TMEM98: variants seen among roughly 807,000 people sequenced by gnomAD.
TMEM98 encodes the protein transmembrane protein 98.
A neutral mutation model predicts 25.0 loss-of-function variants in TMEM98; 18 were observed. The ratio of observed to expected loss-of-function variants is 0.72; its 90% CI spans 0.50 to 1.07. The LOEUF (loss-of-function observed/expected upper bound fraction) is 1.07. TMEM98 is among the 50% of genes least tolerant of loss of function. The pLI, the probability that TMEM98 is intolerant of heterozygous loss-of-function variation, is 0.00. For missense variants in TMEM98, 241 were observed against 289.0 expected (o/e 0.83, Z 1.20); for synonymous variants, 103 against 112.4 (o/e 0.92, Z 0.53).
chr17:32,936,761 A>G (rs29009), intron 6 of TMEM98, among the ~76,000 whole-genome samples: 18,046 of 152,176 alleles, frequency 0.12, 1,257 homozygotes, highest in Middle Eastern at 0.23. Flanking sequence ...TTACCCAGCC[A>G]CATACCAGCT....
intron 5 of TMEM98, 66 bp downstream of exon 5, chr17:32,934,390 G>T: frequency 1.3e-6 from 2 of 1,578,724 alleles, no homozygotes; most frequent in East Asian, 2.2e-5. Flanking sequence ...CGTGGATGGA[G>T]TAGAACGGGA....
chr17:32,940,820 G>A lies in TMEM98; in HGVS notation c.508G>A (p.Val170Met). 1 of 1,614,102 alleles carries A rather than the reference G, an allele frequency of 6.2e-7. No homozygotes were observed. The highest frequency in any genetic ancestry group is 8.5e-7 in the Non-Finnish European group (1 of 1,180,012). Reference sequence around the variant, plus strand: ...CCTGCTCCTGTCTGTCAGTCACCTGGTGCTGGTGACAAGGAATGCCTGCCA... The same window carrying A: ...CCTGCTCCTGTCTGTCAGTCACCTGATGCTGGTGACAAGGAATGCCTGCCA... ...TALLLSVSHLVLVTRNACHLT... is the reference protein window; with the variant it reads ...TALLLSVSHLMLVTRNACHLT... The change falls in exon 8 of 8, where the codon GTG becomes ATG. Residue 170 changes from valine to methionine, a missense_variant. Physicochemically the swap from Val to Met is conservative, Grantham distance 21 (BLOSUM62 1). Coordinates refer to ENST00000579849, the MANE Select transcript of TMEM98 (RefSeq NM_015544.3).
At chr17:32,938,651 C>T (rs2091510651) in intron 6 of TMEM98, among the ~76,000 whole-genome samples, 1 of 152,060 alleles carries the variant, frequency 6.6e-6, no homozygotes, top group South Asian at 2.1e-4. Flanking sequence ...GTCTTACATA[C>T]CTTTAGCTTT....
intron 1 of TMEM98, among the ~76,000 whole-genome samples, chr17:32,930,446 A>G (rs2091461860): frequency 6.6e-6 from 1 of 152,234 alleles, no homozygotes; most frequent in African/African-American, 2.4e-5. Context: ...TACACAAATA[A>G]AAGAATTCTA....
In TMEM98 at chr17:32,942,853, C is replaced by G. The variant is rs1398778160; in HGVS notation, c.*1860C>G. The stretch of plus-strand genomic sequence containing the variant: ...AGTCATCCTATTTTTGTCTTTTTAC[C>G]TCCCTTTCAGAACCTGTTTTCGTAA... On this transcript the variant is annotated 3_prime_UTR_variant, in exon 8 of 8. Coordinates refer to ENST00000579849, the MANE Select transcript of TMEM98 (RefSeq NM_015544.3). 6.6e-6 allele frequency: 1 copy of G among 152,184 alleles called. No individual in the cohort carries two copies. The highest frequency in any genetic ancestry group is 1.5e-5 in the Non-Finnish European group (1 of 68,028). The allele number at this position is 152,184 out of a possible 1,614,324, so 9.4% of individuals were successfully genotyped here.
chr17:32,929,438 G>C (rs999642858), intron 1 of TMEM98, among the ~76,000 whole-genome samples: 2 of 152,146 alleles, frequency 1.3e-5, no homozygotes, highest in African/African-American at 4.8e-5. Context: ...CTGAGAAGCG[G>C]GAGACGGGAG....
rs29019 is a variant in TMEM98, at chr17:32,933,237, C to T, written c.195C>T (p.Asp65=). ...TQSEPSELEL[D]DVVITNPHIE... ...CTGAGCCCTCTGAGTTAGAACTGGA[C>T]GATGTCGTTATCACCAACCCCCACA... is the stretch of plus-strand genomic sequence containing the variant. Residue 65 remains aspartate (D), a synonymous_variant, in exon 4 of 8, where the codon GAC becomes GAT. Transcript: ENST00000579849. 149,649 of 1,613,932 alleles carry T rather than the reference C, an allele frequency of 0.093. 7,465 individuals are homozygous for T. Among genetic ancestry groups the T allele is most frequent in the Non-Finnish European group, 0.098 (115,177 of 1,179,946 alleles).
At chr17:32,939,310 G>A (rs2091515074) in intron 6 of TMEM98, among the ~76,000 whole-genome samples, 167 bp from the exon 7 acceptor site, 1 of 152,122 alleles carries the variant, frequency 6.6e-6, no homozygotes. Flanking sequence ...GGGAAGCTGA[G>A]GCAGGAGAAT....
rs754951470 is a variant in TMEM98 at position 32,933,141 on chromosome 17, A to G, written c.132-33A>G. ...AGAGGATCAGCAGCGGTCACCCACCATGAAACCATTTAACGGGGGCCTTTT... is the reference window on the plus strand; with the variant it reads ...AGAGGATCAGCAGCGGTCACCCACCGTGAAACCATTTAACGGGGGCCTTTT... On this transcript the variant is annotated intron_variant, in intron 3 of 7. Transcript: ENST00000579849. The G allele has an allele frequency of 5.0e-6, 8 of 1,612,788 alleles. No individual in the cohort carries two copies. In the Admixed American group the frequency reaches 8.3e-5, roughly 17 times the overall value.
Position 32,941,119 on chromosome 17 carries a change from A to G in TMEM98, c.*126A>G. ...GGCTGGAGAGTTCAGCTGTGTGTGC[A>G]TAGTAAAGCAGGAGATCCCCGTCAG... On this transcript the variant is annotated 3_prime_UTR_variant, in exon 8 of 8. Coordinates refer to ENST00000579849, the MANE Select transcript of TMEM98 (RefSeq NM_015544.3). 4 of 830,202 alleles carry G rather than the reference A, an allele frequency of 4.8e-6. No individual in the cohort carries two copies. Among genetic ancestry groups the G allele is most frequent in the South Asian group, 1.8e-5 (1 of 54,456 alleles). 51.4% of individuals were successfully genotyped at this position (830,202 alleles called of 1,614,324 possible).
intron 6 of TMEM98, among the ~76,000 whole-genome samples, chr17:32,936,891 C>T (rs2091499508): frequency 6.6e-6 from 1 of 152,248 alleles, no homozygotes. Flanking sequence ...CCCACTGCTC[C>T]ATCCCTGGCC....
chr17:32,933,353 C>G, intron 4 of TMEM98, 48 bp downstream of exon 4: 1 of 1,611,316 alleles, frequency 6.2e-7, no homozygotes, highest in Non-Finnish European at 8.5e-7. Flanking sequence ...CAAATGATGC[C>G]CTTTGCTGGT....
In TMEM98 at chr17:32,942,453, A is replaced by G. The variant is rs1460304735; in HGVS notation, c.*1460A>G. Reference sequence around the variant, plus strand: ...TTTCTCTGTCTAACTGAAGTCAGAAAATTCCTCAGCTGGATTCTGGGGAAC... The same window carrying G: ...TTTCTCTGTCTAACTGAAGTCAGAAGATTCCTCAGCTGGATTCTGGGGAAC... On this transcript the variant is annotated 3_prime_UTR_variant, in exon 8 of 8. Coordinates refer to ENST00000579849, the MANE Select transcript of TMEM98 (RefSeq NM_015544.3). 1 of 152,218 alleles carries G rather than the reference A, an allele frequency of 6.6e-6. No homozygotes were observed. The highest frequency in any genetic ancestry group is 2.4e-5 in the African/African-American group (1 of 41,446). The allele number at this position is 152,218 out of a possible 1,614,324, so 9.4% of individuals were successfully genotyped here.
rs11558976 is a variant in TMEM98, at chr17:32,931,502, G to A, written c.-27G>A. 64,807 of 1,600,578 alleles carry A rather than the reference G, an allele frequency of 0.04. 1,541 individuals carry two copies. Among genetic ancestry groups the A allele is most frequent in the East Asian group, 0.099 (4,430 of 44,622 alleles). On this transcript the variant is annotated 5_prime_UTR_variant, in exon 3 of 8. Transcript: ENST00000579849. ...TTAGCCCATGAGGAGGATGTGACCG[G>A]GACTGAGTCAGGAGCCCTCTGGAAG...
At chr17:32,939,735 CAGG>C (rs1023670658) in intron 7 of TMEM98, among the ~76,000 whole-genome samples, 199 bp downstream of exon 7, 1 of 152,200 alleles carries the variant, frequency 6.6e-6, no homozygotes, top group African/African-American at 2.4e-5. Flanking sequence ...TCCTGAAACC[CAGG>C]AGAAGAAAGA....
rs116750233 is a variant in TMEM98, at chr17:32,932,861, C to T, written c.132-313C>T. On this transcript the variant is annotated intron_variant, in intron 3 of 7. Coordinates refer to ENST00000579849, the MANE Select transcript of TMEM98 (RefSeq NM_015544.3). Reference sequence around the variant, plus strand: ...CATTATAGAAGGATATAATTTTGTCCTGAAGGGATATCCCTAACATCTTTG... The same window carrying T: ...CATTATAGAAGGATATAATTTTGTCTTGAAGGGATATCCCTAACATCTTTG... Among the ~76,000 whole-genome samples, 821 of 152,296 alleles carry T rather than the reference C, an allele frequency of 5.4e-3. 5 individuals carry two copies. The highest frequency in any genetic ancestry group is 0.019 in the African/African-American group (789 of 41,552).
At position 32,936,333 on chromosome 17, in the gene TMEM98, T is replaced by A. The variant is rs2091496148; in HGVS notation, c.299T>A (p.Ile100Asn). Reference protein sequence around the residue: ...LMSHCIAILKICHTLTEKLVA... With the variant: ...LMSHCIAILKNCHTLTEKLVA... ...TCTCTCTCCTCCCTGCCGCATTAGA[T>A]TTGTCACACTCTGACAGAGAAGCTT... The change falls in exon 6 of 8, where the codon ATT (isoleucine) becomes AAT (asparagine). Residue 100 changes from isoleucine to asparagine, a missense_variant and splice_region_variant. Physicochemically the swap from Ile to Asn is moderately radical, Grantham distance 149. Coordinates refer to ENST00000579849, the MANE Select transcript of TMEM98 (RefSeq NM_015544.3). 2 of 1,613,746 alleles carry A rather than the reference T, an allele frequency of 1.2e-6. No individual in the cohort carries two copies. The highest frequency in any genetic ancestry group is 1.7e-6 in the Non-Finnish European group (2 of 1,179,812).
chr17:32,940,883 T>A lies in TMEM98; in HGVS notation c.571T>A (p.Ser191Thr). ...CCTGGACTGGATTGACCAGTCTCTG[T>A]CGGCTGCTGAGGAGCATTTGGAAGT... ...GGLDWIDQSLSAAEEHLEVLR... is the reference protein window; with the variant it reads ...GGLDWIDQSLTAAEEHLEVLR... Residue 191 changes from serine (S) to threonine (T), a missense_variant, in exon 8 of 8, where the codon TCG becomes ACG. Ser to Thr is a moderately conservative substitution (Grantham distance 58). Coordinates refer to ENST00000579849, the MANE Select transcript of TMEM98 (RefSeq NM_015544.3). The A allele has an allele frequency of 6.2e-7, 1 of 1,614,208 alleles. No individual in the cohort carries two copies. The highest frequency in any genetic ancestry group is 8.5e-7 in the Non-Finnish European group (1 of 1,180,032).
intron 6 of TMEM98, 108 bp downstream of exon 6, chr17:32,936,555 A>C (rs2091497703): frequency 1.1e-6 from 1 of 876,150 alleles, no homozygotes; most frequent in African/African-American, 1.7e-5. Flanking sequence ...TGCACAGGCA[A>C]CTTCAGCTAT....
Sources: gnomAD v4.1 joint callset for allele counts (sites outside exome capture counted in the v4.1 genomes callset) on GRCh38, gnomAD v4.1.1 for gene constraint, MANE v1.5 for transcripts, NCBI Gene and HGNC (gene_info 2026-07-23, HGNC 2026-07-21) for gene names.